Variants in SHKBP1 observed in about 807,000 individuals in gnomAD.
SHKBP1 encodes SH3KBP1-binding protein 1.
SHKBP1 carries 71 observed loss-of-function variants against 83.9 expected under a neutral mutation model. That is an observed-to-expected ratio of 0.85 (90% CI 0.70 to 1.03). The LOEUF is 1.03. SHKBP1 is among the 50% of genes least tolerant of loss of function. SHKBP1 has a pLI of 0.00. For synonymous variants in SHKBP1, 371 were observed against 398.0 expected (o/e 0.93, Z 0.81); for missense variants, 824 against 982.4 (o/e 0.84, Z 2.16).
At chr19:40,580,679 G>A in intron 8 of SHKBP1, 23 bp downstream of exon 8, 10 of 1,614,068 alleles carry the variant, frequency 6.2e-6, no homozygotes, top group Non-Finnish European at 8.5e-6. Flanking sequence ...GGAGTGGCAG[G>A]AGGTCCCAGC....
intron 1 of SHKBP1, 91 bp from the exon 2 acceptor site, chr19:40,577,140 A>G (rs563123696): frequency 3.4e-6 from 5 of 1,460,604 alleles, no homozygotes; most frequent in Non-Finnish European, 1.9e-6. Flanking sequence ...GGGGAGGGGG[A>G]AGGGGAGGGA....
intron 13 of SHKBP1, among the ~76,000 whole-genome samples, chr19:40,587,372 T>C (rs2081321057): frequency 6.6e-6 from 1 of 152,168 alleles, no homozygotes; most frequent in Non-Finnish European, 1.5e-5. Context: ...GGTAGATTAC[T>C]TGAGGTCAGG....
At chr19:40,589,844 C>T (rs1374433551) in intron 15 of SHKBP1, among the ~76,000 whole-genome samples, 6 of 151,860 alleles carry the variant, frequency 4.0e-5, no homozygotes, top group East Asian at 1.9e-4. Flanking sequence ...GGTGCAGATG[C>T]GGGCGGGCCT....
At chr19:40,588,180 G>C (rs2081327139) in intron 13 of SHKBP1, among the ~76,000 whole-genome samples, 1 of 152,352 alleles carries the variant, frequency 6.6e-6, no homozygotes, top group East Asian at 1.9e-4. Flanking sequence ...CAGAGTAAAT[G>C]AGGGGGAGAA....
Position 40,590,500 on chromosome 19 carries a change from A to C in SHKBP1, c.1768+78A>C. 1 of 1,481,474 alleles carries C rather than the reference A, an allele frequency of 6.8e-7. No individual in the cohort carries two copies. Among genetic ancestry groups the C allele is most frequent in the South Asian group, 1.3e-5 (1 of 77,682 alleles). 91.8% of individuals were successfully genotyped at this position (1,481,474 alleles called of 1,614,324 possible). A position where few individuals can be genotyped will look rare whatever the true frequency, so the allele number is the denominator to read the frequency against. On this transcript the variant is annotated intron_variant, in intron 16 of 17. Transcript: ENST00000291842. This position sits in a 1 kb window ranked among gnomAD's most constrained non-coding sequence, Gnocchi z 4.6. ...ACCACTCTCCACTGCCAACTGCTTGATCTCTCTCCCAGGCCCTTGCCCTCT... is the reference window on the plus strand; with the variant it reads ...ACCACTCTCCACTGCCAACTGCTTGCTCTCTCTCCCAGGCCCTTGCCCTCT...
chr19:40,582,842 AAGAC>A (rs1259847587), intron 10 of SHKBP1, among the ~76,000 whole-genome samples: 2 of 150,596 alleles, frequency 1.3e-5, no homozygotes, highest in Admixed American at 6.6e-5. Flanking sequence ...CTTTGGGAGA[AAGAC>A]AGACAGAGGC....
rs764175012 is a variant in SHKBP1 at position 40,580,881 on chromosome 19, C to A, written c.789C>A (p.Thr263=). The A allele has an allele frequency of 3.7e-6, 6 of 1,610,996 alleles. No homozygotes were observed. Among genetic ancestry groups the A allele is most frequent in the Non-Finnish European group, 5.1e-6 (6 of 1,178,476 alleles). The change falls in exon 9 of 18, where the codon ACC becomes ACA. Residue 263 remains threonine (T), a synonymous_variant. Coordinates refer to ENST00000291842, the MANE Select transcript of SHKBP1 (RefSeq NM_138392.4). The part of the protein sequence containing the change: ...GEHDKMVAAA[T]GSEILLWALQ... Reference sequence around the variant, plus strand: ...ATGACAAGATGGTGGCAGCAGCCACCGGCAGCGAGATCCTGCTATGGGCTC... The same window carrying A: ...ATGACAAGATGGTGGCAGCAGCCACAGGCAGCGAGATCCTGCTATGGGCTC...
At position 40,590,517 on chromosome 19, in the gene SHKBP1, T is replaced by G; in HGVS notation, c.1768+95T>G. The G allele has an allele frequency of 7.0e-7, 1 of 1,423,606 alleles. No individual in the cohort carries two copies. Among genetic ancestry groups the G allele is most frequent in the Non-Finnish European group, 9.5e-7 (1 of 1,047,198 alleles). The allele number at this position is 1,423,606 out of a possible 1,614,324, so 88.2% of individuals were successfully genotyped here. A position where few individuals can be genotyped will look rare whatever the true frequency, so the allele number is the denominator to read the frequency against. On this transcript the variant is annotated intron_variant, in intron 16 of 17. Coordinates refer to ENST00000291842, the MANE Select transcript of SHKBP1 (RefSeq NM_138392.4). The surrounding 1 kb of genome is among the most constrained non-coding windows in gnomAD (Gnocchi z 4.6). ...ACTGCTTGATCTCTCTCCCAGGCCC[T>G]TGCCCTCTGACCCCTTTTCCTTTGA...
At position 40,577,377 on chromosome 19, in the gene SHKBP1, C is replaced by T. The variant is rs768674876; in HGVS notation, c.141-19C>T. On this transcript the variant is annotated intron_variant, in intron 2 of 17. Transcript: ENST00000291842. ...ACTCCCCCGGCCCGTGACGCCTGCT[C>T]GGTGTCCCTTCCCTGCAGTCTTCTG... 1.1e-5 allele frequency: 17 copies of T among 1,613,298 alleles called. No individual in the cohort carries two copies. The highest frequency in any genetic ancestry group is 1.0e-4 in the Admixed American group (6 of 59,974).
At chr19:40,583,801 T>TG (rs766730834) in intron 12 of SHKBP1, 84 bp downstream of exon 12, 77 of 1,049,066 alleles carry the variant, frequency 7.3e-5, no homozygotes, top group Non-Finnish European at 1.1e-4. Flanking sequence ...TTGTGTAGCA[T>TG]GACCCAGAGG....
intron 13 of SHKBP1, 76 bp downstream of exon 13, chr19:40,587,020 T>C: frequency 7.3e-7 from 1 of 1,362,410 alleles, no homozygotes; most frequent in Non-Finnish European, 1.0e-6. Flanking sequence ...GATGAGAATT[T>C]CCACTGGGGA....
At chr19:40,577,129 G>A in intron 1 of SHKBP1, 102 bp from the exon 2 acceptor site, 3 of 1,457,408 alleles carry the variant, frequency 2.1e-6, no homozygotes, top group South Asian at 1.2e-5. Flanking sequence ...GAAAAACGCC[G>A]GGGGAGGGGG....
In SHKBP1 at chr19:40,578,216, A is replaced by C. The variant is rs542976976; in HGVS notation, c.319+4A>C. On this transcript the variant is annotated splice_donor_region_variant and intron_variant, in intron 5 of 17. Coordinates refer to ENST00000291842, the MANE Select transcript of SHKBP1 (RefSeq NM_138392.4). ...TTCTATGGGCTCACTCCTCTGGGTA[A>C]GTGGGAGCCCCCAGCTATCATCCTC... The C allele has an allele frequency of 1.5e-5, 24 of 1,613,850 alleles. No homozygotes were observed. In the African/African-American group the frequency reaches 1.9e-4, roughly 13 times the overall value.
At position 40,579,949 on chromosome 19, in the gene SHKBP1, C is replaced by G. The variant is rs146391136; in HGVS notation, c.401-375C>G. ...TTGGGAGGCTGAGGCAGGAGAATCA[C>G]TTGAACCCAGGAGGCAGAGGTTGCA... On this transcript the variant is annotated intron_variant, in intron 6 of 17. Transcript: ENST00000291842. 2.4e-3 allele frequency among the ~76,000 whole-genome samples: 347 copies of G among 141,658 alleles called. 5 individuals are homozygous for G. The Admixed American group carries it at 0.025, about 10-fold the overall frequency. 92.9% of individuals were successfully genotyped at this position (141,658 alleles called of 152,430 possible). A position where few individuals can be genotyped will look rare whatever the true frequency, so the allele number is the denominator to read the frequency against.
At position 40,578,180 on chromosome 19, in the gene SHKBP1, A is replaced by G. The variant is rs867695405; in HGVS notation, c.287A>G (p.His96Arg). ...GGTGTCCACGGTTCCAGCCTCCTCC[A>G]TGAAGCCCAGTTCTATGGGCTCACT... ...PRGVHGSSLLHEAQFYGLTPL... is the reference protein window; with the variant it reads ...PRGVHGSSLLREAQFYGLTPL... Residue 96 changes from histidine (H) to arginine (R), a missense_variant, in exon 5 of 18, where the codon CAT (histidine) becomes CGT (arginine). By Grantham distance (29) the His-to-Arg change is conservative (BLOSUM62 0). Coordinates refer to ENST00000291842, the MANE Select transcript of SHKBP1 (RefSeq NM_138392.4). 6.2e-7 allele frequency: 1 copy of G among 1,614,100 alleles called. No homozygotes were observed. Among genetic ancestry groups the G allele is most frequent in the Non-Finnish European group, 8.5e-7 (1 of 1,180,008 alleles).
chr19:40,580,224 C>T, intron 6 of SHKBP1, 100 bp from the exon 7 acceptor site: 1 of 1,386,404 alleles, frequency 7.2e-7, no homozygotes, highest in Non-Finnish European at 9.8e-7. Context: ...GAGACTATGT[C>T]CCACACATGG....
chr19:40,577,372 C>G (rs1449583543), intron 2 of SHKBP1, 24 bp from the exon 3 acceptor site: 1 of 1,614,068 alleles, frequency 6.2e-7, no homozygotes, highest in South Asian at 1.1e-5. Context: ...CCCGTGACGC[C>G]TGCTCGGTGT....
Position 40,589,059 on chromosome 19 carries a change from ACCCCTG to A in SHKBP1, c.1493-14_1493-9del. On this transcript the variant is annotated splice_polypyrimidine_tract_variant and intron_variant, in intron 14 of 17. Transcript: ENST00000291842. ...GCTGAGGGAATCCCAGCTGGCCCTG[ACCCCTG>A]CCCCTGCCTGGCCCAGGCCCCTACG... 3.1e-6 allele frequency: 5 copies of A among 1,605,818 alleles called. No homozygotes were observed. Among genetic ancestry groups the A allele is most frequent in the Non-Finnish European group, 4.2e-6 (5 of 1,177,164 alleles).
Position 40,589,091 on chromosome 19 carries a change from G to A in SHKBP1, c.1502G>A (p.Gly501Asp). 6.2e-7 allele frequency: 1 copy of A among 1,612,592 alleles called. No individual in the cohort carries two copies. Among genetic ancestry groups the A allele is most frequent in the Non-Finnish European group, 8.5e-7 (1 of 1,180,022 alleles). ...CCCCTGCCTGGCCCAGGCCCCTACG[G>A]TGAGCGGGACGACCAGCAAGTGTTC... ...CSAGNDIGPYGERDDQQVFIQ... is the reference protein window; with the variant it reads ...CSAGNDIGPYDERDDQQVFIQ... Residue 501 changes from glycine to aspartate, a missense_variant, in exon 15 of 18, where the codon GGT becomes GAT. Gly to Asp is a moderately conservative substitution (Grantham distance 94). Transcript: ENST00000291842.
Sources: gnomAD v4.1 joint callset for allele counts (sites outside exome capture counted in the v4.1 genomes callset) on GRCh38, gnomAD v4.1.1 for gene constraint, Gnocchi (gnomAD v3.1) non-coding constraint, MANE v1.5 for transcripts, NCBI Gene and HGNC (gene_info 2026-07-23, HGNC 2026-07-21) for gene names.